Variants in RXRA observed in about 807,000 individuals in gnomAD.
RXRA encodes retinoic acid receptor RXR-alpha.
A neutral mutation model predicts 44.5 loss-of-function variants in RXRA; 5 were observed. The observed-to-expected ratio is 0.11, with a 90% CI of 0.06 to 0.24. RXRA has a LOEUF of 0.24. Among genes scored for constraint, RXRA ranks in the 10% least tolerant of loss-of-function variants. RXRA has a pLI of 1.00. For missense variants in RXRA, 412 were observed against 646.5 expected (o/e 0.64, Z 3.93); for synonymous variants, 291 against 271.4 (o/e 1.07, Z -0.71).
intron 2 of RXRA, chr9:134,406,155 G>C (rs541849254): frequency 6.6e-6 from 1 of 152,478 alleles, no homozygotes; most frequent in African/African-American, 2.4e-5. Context: ...CAGCACTTTG[G>C]GAGGCCGAGG....
intron 6 of RXRA, chr9:134,425,442 G>GC (rs1013987620): frequency 3.0e-6 from 3 of 984,628 alleles, no homozygotes; most frequent in Non-Finnish European, 3.6e-6. Context: ...CTTCCCACCT[G>GC]CCCCCTTCAT....
intron 2 of RXRA, chr9:134,404,048 G>A (rs1241670271): frequency 1.3e-5 from 2 of 152,268 alleles, no homozygotes; most frequent in Non-Finnish European, 2.9e-5. Flanking sequence ...TCAGCAGTTT[G>A]TCTTGGAACC....
At chr9:134,412,217 A>G (rs1428321452) in intron 4 of RXRA, among the ~76,000 whole-genome samples, 1 of 152,220 alleles carries the variant, frequency 6.6e-6, no homozygotes, top group Non-Finnish European at 1.5e-5. Context: ...TGTGGCCCAG[A>G]GCATGCAGGA....
chr9:134,422,660 G>C (rs1319124718), intron 6 of RXRA: 24 of 982,266 alleles, frequency 2.4e-5, no homozygotes, highest in African/African-American at 8.9e-5. Flanking sequence ...CCCACTCCCC[G>C]GACACTCCCC....
chr9:134,353,529 G>T (rs1830246806), intron 1 of RXRA, among the ~76,000 whole-genome samples: 1 of 152,242 alleles, frequency 6.6e-6, no homozygotes, highest in African/African-American at 2.4e-5. Flanking sequence ...TCAAAGGCGT[G>T]TTCATTGCCC....
At chr9:134,409,651 C>T (rs757104064) in intron 4 of RXRA, among the ~76,000 whole-genome samples, 16 of 152,246 alleles carry the variant, frequency 1.1e-4, no homozygotes, top group Non-Finnish European at 1.9e-4. Flanking sequence ...GTCGGAGTCC[C>T]GGGCCCCACA....
intron 6 of RXRA, chr9:134,422,362 C>T (rs115035866): frequency 0.071 from 90,335 of 1,274,982 alleles, 3,589 homozygotes; most frequent in African/African-American, 0.12. Context: ...ACACACTCCC[C>T]GCTACCGGGA....
In RXRA at chr9:134,417,390, C is replaced by T. The variant is rs1831253511; in HGVS notation, c.780+63C>T. On this transcript the variant is annotated intron_variant, in intron 5 of 9. Coordinates refer to ENST00000481739, the MANE Select transcript of RXRA (RefSeq NM_002957.6). The surrounding 1 kb of genome is among the most constrained non-coding windows in gnomAD (Gnocchi z 6.1). ...TGCCTCAGTTTCCCTCACTCACTCA[C>T]CCTCCCACCTGAGCAGCTGATGAGC... The T allele has an allele frequency of 1.3e-6, 2 of 1,561,658 alleles. No individual in the cohort carries two copies. The highest frequency in any genetic ancestry group is 2.3e-5 in the East Asian group (1 of 44,022).
intron 1 of RXRA, among the ~76,000 whole-genome samples, chr9:134,375,430 G>A (rs899832419): frequency 6.6e-6 from 1 of 152,176 alleles, no homozygotes; most frequent in Admixed American, 6.5e-5. Flanking sequence ...GCAGCCGAGG[G>A]CTCCCGGGTG....
intron 5 of RXRA, among the ~76,000 whole-genome samples, chr9:134,419,195 C>T (rs761664092): frequency 2.6e-5 from 4 of 152,180 alleles, no homozygotes; most frequent in Middle Eastern, 3.2e-3. Context: ...ACCAGCCTCG[C>T]GGAGGGCAGG....
chr9:134,357,235 G>T (rs1013857450), intron 1 of RXRA, among the ~76,000 whole-genome samples: 9 of 152,216 alleles, frequency 5.9e-5, no homozygotes, highest in Admixed American at 1.3e-4. Context: ...CTCCTGCCCC[G>T]GGTGGAGGGC....
At chr9:134,361,972 G>A (rs772555477) in intron 1 of RXRA, among the ~76,000 whole-genome samples, 18 of 152,166 alleles carry the variant, frequency 1.2e-4, no homozygotes, top group Non-Finnish European at 1.3e-4. Context: ...TGATGCCGCC[G>A]GGCTCCGGTC....
At chr9:134,351,870 G>C (rs1364077553) in intron 1 of RXRA, among the ~76,000 whole-genome samples, 1 of 152,238 alleles carries the variant, frequency 6.6e-6, no homozygotes, top group Non-Finnish European at 1.5e-5. Flanking sequence ...CTGCGGCTCT[G>C]GCGGGGCGTG....
intron 1 of RXRA, among the ~76,000 whole-genome samples, chr9:134,362,901 G>A (rs1219355103): frequency 6.6e-6 from 1 of 152,236 alleles, no homozygotes; most frequent in East Asian, 1.9e-4. Flanking sequence ...CACTCCCACA[G>A]CGTTGTCCCC....
At chr9:134,382,834 G>T (rs917870415) in intron 1 of RXRA, among the ~76,000 whole-genome samples, 1 of 152,190 alleles carries the variant, frequency 6.6e-6, no homozygotes, top group African/African-American at 2.4e-5. Context: ...GGGAGGCCCT[G>T]CCCACCTGAG....
rs1159622083 is a variant in RXRA, at chr9:134,426,565, G to A, written c.911-2543G>A. 5 of 985,316 alleles carry A rather than the reference G, an allele frequency of 5.1e-6. No individual in the cohort carries two copies. The highest frequency in any genetic ancestry group is 1.1e-4 in the East Asian group (1 of 8,822). 61.0% of individuals were successfully genotyped at this position (985,316 alleles called of 1,614,324 possible). A position where few individuals can be genotyped will look rare whatever the true frequency, so the allele number is the denominator to read the frequency against. ...TGTCTGGGCTCCTGACCTGTATCCC[G>A]TGCTGAGGGCCGCACCTCGGCTCAG... On this transcript the variant is annotated intron_variant, in intron 6 of 9. Coordinates refer to ENST00000481739, the MANE Select transcript of RXRA (RefSeq NM_002957.6). The surrounding 1 kb of genome is among the most constrained non-coding windows in gnomAD (Gnocchi z 4.6).
At chr9:134,372,437 A>T (rs1338244918) in intron 1 of RXRA, among the ~76,000 whole-genome samples, 1 of 152,032 alleles carries the variant, frequency 6.6e-6, no homozygotes, top group African/African-American at 2.4e-5. Context: ...TGGCTGGAGG[A>T]GGCCTGGCCC....
chr9:134,408,876 T>TG (rs1831100049), intron 3 of RXRA, 64 bp from the exon 4 acceptor site: 4 of 1,412,484 alleles, frequency 2.8e-6, no homozygotes, highest in Non-Finnish European at 3.7e-6. Flanking sequence ...CGGCGTTGGA[T>TG]GGGGGGTGGG....
chr9:134,406,572 C>T (rs33997592), intron 2 of RXRA, among the ~76,000 whole-genome samples: 8,333 of 152,192 alleles, frequency 0.055, 716 homozygotes, highest in African/African-American at 0.19. Context: ...TGCCTCCAAG[C>T]GAGACAGCCA....
Sources: gnomAD v4.1 joint callset for allele counts (sites outside exome capture counted in the v4.1 genomes callset) on GRCh38, gnomAD v4.1.1 for gene constraint, Gnocchi (gnomAD v3.1) non-coding constraint, MANE v1.5 for transcripts, NCBI Gene and HGNC (gene_info 2026-07-23, HGNC 2026-07-21) for gene names.